The following SEMA3A variants were observed in gnomAD, a reference collection of about 807,000 sequenced individuals.
SEMA3A encodes semaphorin 3A, also known as semaphorin-3A.
Under a neutral mutation model 97.9 loss-of-function variants are expected in SEMA3A, and 29 were observed. The ratio of observed to expected loss-of-function variants is 0.30; its 90% CI spans 0.22 to 0.40. SEMA3A has a LOEUF of 0.40. Among genes scored for constraint, SEMA3A ranks in the 10% least tolerant of loss-of-function variants. The pLI, the probability that SEMA3A is intolerant of heterozygous loss-of-function variation, is 1.00. For synonymous variants in SEMA3A, 321 were observed against 323.7 expected (o/e 0.99, Z 0.09); for missense variants, 763 against 951.3 (o/e 0.80, Z 2.60).
intron 2 of SEMA3A, among the ~76,000 whole-genome samples, chr7:84,326,560 T>A (rs942119901): frequency 6.6e-6 from 1 of 152,086 alleles, no homozygotes; most frequent in Non-Finnish European, 1.5e-5. Flanking sequence ...AAATATTTTA[T>A]GTATATTCAT....
intron 1 of SEMA3A, among the ~76,000 whole-genome samples, chr7:84,190,334 T>A (rs1298565452): frequency 6.6e-6 from 1 of 151,690 alleles, no homozygotes; most frequent in Non-Finnish European, 1.5e-5. Flanking sequence ...AATAGATGAA[T>A]AAAAAGTTCT....
chr7:84,216,152 A>G (rs1584135006), intron 3 of SEMA3A, among the ~76,000 whole-genome samples: 1 of 152,062 alleles, frequency 6.6e-6, no homozygotes, highest in East Asian at 1.9e-4. Flanking sequence ...CACTGCCACC[A>G]TCTCGGCTCA....
chr7:84,066,992 G>A (rs2115730394), intron 4 of SEMA3A, among the ~76,000 whole-genome samples: 1 of 152,154 alleles, frequency 6.6e-6, no homozygotes, highest in East Asian at 1.9e-4. Context: ...GAACAAAGCT[G>A]GAGGCATCAC....
intron 3 of SEMA3A, among the ~76,000 whole-genome samples, chr7:84,210,288 T>C (rs548256320): frequency 6.6e-6 from 1 of 152,066 alleles, no homozygotes; most frequent in Admixed American, 6.6e-5. Context: ...ATAACACAGA[T>C]GATAGGCGCT....
chr7:84,003,338 C>CAA (rs1790536507), intron 11 of SEMA3A, among the ~76,000 whole-genome samples: 1 of 152,120 alleles, frequency 6.6e-6, no homozygotes, highest in Non-Finnish European at 1.5e-5. Context: ...TACCCAAACA[C>CAA]AACTTTATCT....
intron 2 of SEMA3A, among the ~76,000 whole-genome samples, chr7:84,326,538 T>A (rs772763435): frequency 2.8e-4 from 42 of 152,200 alleles, no homozygotes; most frequent in Admixed American, 1.5e-3. Context: ...TTATAAGTGA[T>A]ATGTATTTAA....
intron 3 of SEMA3A, among the ~76,000 whole-genome samples, chr7:84,274,326 C>T (rs1012685568): frequency 1.3e-5 from 2 of 152,036 alleles, no homozygotes; most frequent in Non-Finnish European, 2.9e-5. Flanking sequence ...AAACAATCCA[C>T]CGTGCAGGAA....
intron 6 of SEMA3A, among the ~76,000 whole-genome samples, chr7:84,027,978 C>T (rs529137236): frequency 2.2e-4 from 33 of 152,194 alleles, no homozygotes; most frequent in African/African-American, 5.3e-4. Context: ...GTGTTATTGA[C>T]GTCATCAAAA....
rs1401421992 is a variant in SEMA3A at position 83,956,042 on chromosome 7, G to A, written c.*5329C>T. 1 of 152,152 alleles carries A rather than the reference G, an allele frequency of 6.6e-6. No individual in the cohort carries two copies. The highest frequency in any genetic ancestry group is 1.5e-5 in the Non-Finnish European group (1 of 68,008). 9.4% of individuals were successfully genotyped at this position (152,152 alleles called of 1,614,324 possible). A position where few individuals can be genotyped will look rare whatever the true frequency, so the allele number is the denominator to read the frequency against. On this transcript the variant is annotated 3_prime_UTR_variant, in exon 17 of 17. Coordinates refer to ENST00000265362, the MANE Select transcript of SEMA3A (RefSeq NM_006080.3). ...GGTGCGGGGTTGACATATTCAAGAT[G>A]AAGGTGGGTCTCATTTTTTAAAAAA...
intron 3 of SEMA3A, among the ~76,000 whole-genome samples, chr7:84,205,836 T>C (rs1316748119): frequency 6.6e-6 from 1 of 152,226 alleles, no homozygotes; most frequent in East Asian, 1.9e-4. Context: ...TACTTTCAAA[T>C]GTGAATTCAA....
At chr7:84,273,785 A>G (rs1339922045) in intron 3 of SEMA3A, among the ~76,000 whole-genome samples, 3 of 151,764 alleles carry the variant, frequency 2.0e-5, no homozygotes, top group Non-Finnish European at 4.4e-5. Flanking sequence ...GTCCTGCTCT[A>G]TTTTTTTCTT....
intron 2 of SEMA3A, among the ~76,000 whole-genome samples, chr7:84,334,129 G>A (rs1801975948): frequency 6.6e-6 from 1 of 152,018 alleles, no homozygotes; most frequent in African/African-American, 2.4e-5. Context: ...ATCACTGCTA[G>A]TTTAAGTTCT....
In SEMA3A at chr7:83,961,586, C is replaced by A. The variant is rs376064579; in HGVS notation, c.2101G>T (p.Val701Phe). 6.2e-7 allele frequency: 1 copy of A among 1,614,088 alleles called. No individual in the cohort carries two copies. ...MSNSMTPSQKVWYRDFMQLIN... is the reference protein window; with the variant it reads ...MSNSMTPSQKFWYRDFMQLIN... ...AGCTGCATGAAGTCTCTGTACCAGA[C>A]CTTCTGGCTAGGTGTCATGCTATTG... Residue 701 changes from valine (V) to phenylalanine (F), a missense_variant, in exon 17 of 17, where the codon GTC (valine) becomes TTC (phenylalanine). This residue lies in a region of SEMA3A where 678 missense variants were observed against 881.3 expected (regional missense o/e 0.77). Transcript: ENST00000265362.
At chr7:84,315,017 G>C (rs1562899481) in intron 2 of SEMA3A, among the ~76,000 whole-genome samples, 1 of 152,108 alleles carries the variant, frequency 6.6e-6, no homozygotes, top group Non-Finnish European at 1.5e-5. Flanking sequence ...ATTATCTGGA[G>C]AAGCTTTTGG....
intron 3 of SEMA3A, among the ~76,000 whole-genome samples, chr7:84,238,898 G>T (rs1022421692): frequency 5.9e-5 from 9 of 151,932 alleles, no homozygotes; most frequent in Admixed American, 4.6e-4. Flanking sequence ...TGCAGTTTTA[G>T]TAGAGGCAGG....
intron 4 of SEMA3A, among the ~76,000 whole-genome samples, chr7:84,069,518 A>T (rs1382069608): frequency 6.6e-6 from 1 of 152,146 alleles, no homozygotes; most frequent in East Asian, 1.9e-4. Flanking sequence ...ATTATAAGGC[A>T]TGTTTGAAAT....
At chr7:84,231,328 T>G (rs1308779012) in intron 3 of SEMA3A, among the ~76,000 whole-genome samples, 1 of 151,690 alleles carries the variant, frequency 6.6e-6, no homozygotes, top group Non-Finnish European at 1.5e-5. Context: ...AGGGAATAAG[T>G]GTAGGAGGGA....
intron 3 of SEMA3A, among the ~76,000 whole-genome samples, chr7:84,264,495 C>A (rs914062361): frequency 2.6e-5 from 4 of 152,054 alleles, no homozygotes; most frequent in Non-Finnish European, 5.9e-5. Context: ...TCAGGGATAC[C>A]AGATATATTA....
chr7:84,187,896 C>T (rs1371678183), intron 1 of SEMA3A, among the ~76,000 whole-genome samples: 2 of 152,034 alleles, frequency 1.3e-5, no homozygotes, highest in Non-Finnish European at 1.5e-5. Context: ...CAGAATCTGG[C>T]ACAAGATGAT....
Sources: allele counts gnomAD v4.1 joint callset (sites outside exome capture counted in the v4.1 genomes callset), GRCh38; gene constraint gnomAD v4.1.1; regional missense constraint gnomAD v4.1.1; transcripts MANE v1.5; gene names NCBI Gene and HGNC (gene_info 2026-07-23, HGNC 2026-07-21).